Variants in CAMK4 observed in about 807,000 individuals in gnomAD.
CAMK4 encodes calcium/calmodulin-dependent protein kinase type IV.
In CAMK4, 22 loss-of-function variants were observed where a neutral mutation model predicts 44.9. That is an observed-to-expected ratio of 0.49 (90% confidence interval 0.35 to 0.70). The LOEUF is 0.70. CAMK4 is among the 30% of genes least tolerant of loss of function. The probability of loss-of-function intolerance (pLI) is 0.01; values close to 1 mark genes in which losing one functional copy is unlikely to be tolerated. For synonymous variants in CAMK4, 218 were observed against 215.4 expected, an observed-to-expected ratio of 1.01 and a Z score of -0.11; for missense variants, 498 against 586.8, an observed-to-expected ratio of 0.85 and a Z score of 1.56.
intron 5 of CAMK4, among the ~76,000 whole-genome samples, chr5:111,403,164 A>C (rs1752292974): frequency 6.6e-6 from 1 of 152,158 alleles, no homozygotes; most frequent in African/African-American, 2.4e-5. Flanking sequence ...TCAAACATAC[A>C]CCCACATATT....
At chr5:111,422,678 G>A (rs1010930563) in intron 5 of CAMK4, among the ~76,000 whole-genome samples, 4 of 152,148 alleles carry the variant, frequency 2.6e-5, no homozygotes, top group African/African-American at 7.2e-5. Flanking sequence ...ATGTCTGAAA[G>A]CAGCTATCTT....
chr5:111,445,215 A>G (rs1054293281), intron 5 of CAMK4, among the ~76,000 whole-genome samples: 2 of 152,210 alleles, frequency 1.3e-5, no homozygotes, highest in East Asian at 3.8e-4. Flanking sequence ...TTAAAAATGA[A>G]TAAGTAAATT....
intron 1 of CAMK4, among the ~76,000 whole-genome samples, chr5:111,323,798 G>T (rs1375502025): frequency 6.6e-6 from 1 of 152,050 alleles, no homozygotes; most frequent in Non-Finnish European, 1.5e-5. Flanking sequence ...CTAAATAGAA[G>T]TTCAGATTTA....
At chr5:111,394,589 A>G (rs1434441391) in intron 4 of CAMK4, 121 bp from the exon 5 acceptor site, 3 of 635,980 alleles carry the variant, frequency 4.7e-6, no homozygotes, top group Non-Finnish European at 8.4e-6. Context: ...CCATGGTAGT[A>G]TGGTAGCTTG....
Position 111,224,712 on chromosome 5 carries a change from G to A in CAMK4, c.161+68G>A, listed in dbSNP as rs1748091902. 2 of 1,485,522 alleles carry A rather than the reference G, an allele frequency of 1.3e-6. No homozygotes were observed. The highest frequency in any genetic ancestry group is 2.8e-5 in the African/African-American group (2 of 70,274). The allele number at this position is 1,485,522 out of a possible 1,614,324, so 92.0% of individuals were successfully genotyped here. A position where few individuals can be genotyped will look rare whatever the true frequency, so the allele number is the denominator to read the frequency against. ...GGGGGTTGTCCCTCTCGCAGCGACG[G>A]CTCGGAGGGTGCGGGAGCCTGCCTT... On this transcript the variant is annotated intron_variant, in intron 1 of 10. Transcript: ENST00000282356. The surrounding 1 kb of genome is among the most constrained non-coding windows in gnomAD (Gnocchi z 5.7).
chr5:111,475,425 G>T (rs1490985374), intron 8 of CAMK4, among the ~76,000 whole-genome samples: 1 of 152,078 alleles, frequency 6.6e-6, no homozygotes, highest in Non-Finnish European at 1.5e-5. Context: ...AATGTGGAAT[G>T]CATAAAACTT....
At chr5:111,330,867 T>G (rs963254472) in intron 1 of CAMK4, among the ~76,000 whole-genome samples, 1 of 151,568 alleles carries the variant, frequency 6.6e-6, no homozygotes, top group African/African-American at 2.4e-5. Flanking sequence ...GGCAGTGCAA[T>G]GGGGAAAGAA....
intron 1 of CAMK4, among the ~76,000 whole-genome samples, chr5:111,308,106 C>CG (rs1294755278): frequency 9.2e-6 from 1 of 108,152 alleles, no homozygotes; most frequent in Non-Finnish European, 1.8e-5. Flanking sequence ...GTGGTGGGGT[C>CG]GGGGGAGGGG....
At chr5:111,246,522 C>T (rs1220731705) in intron 1 of CAMK4, among the ~76,000 whole-genome samples, 1 of 152,170 alleles carries the variant, frequency 6.6e-6, no homozygotes, top group Non-Finnish European at 1.5e-5. Context: ...AGATTTATTT[C>T]TCTGCATTTA....
chr5:111,330,923 A>C (rs553786841), intron 1 of CAMK4, among the ~76,000 whole-genome samples: 1 of 151,876 alleles, frequency 6.6e-6, no homozygotes, highest in East Asian at 2.0e-4. Context: ...AAATACATGG[A>C]AAAAATATAC....
At chr5:111,339,037 T>G (rs1044032246) in intron 1 of CAMK4, among the ~76,000 whole-genome samples, 3 of 151,260 alleles carry the variant, frequency 2.0e-5, no homozygotes, top group African/African-American at 7.3e-5. Context: ...TATAGATTGC[T>G]TTAAGCCATA....
At chr5:111,411,333 A>G (rs1752625167) in intron 5 of CAMK4, among the ~76,000 whole-genome samples, 1 of 152,204 alleles carries the variant, frequency 6.6e-6, no homozygotes. Flanking sequence ...AAGTCTCATA[A>G]TTGCAAAAGA....
intron 1 of CAMK4, among the ~76,000 whole-genome samples, chr5:111,293,409 C>T (rs917658557): frequency 1.3e-5 from 2 of 150,780 alleles, no homozygotes; most frequent in South Asian, 2.1e-4. Flanking sequence ...ACTTTATATT[C>T]GATGCTTTTA....
intron 5 of CAMK4, among the ~76,000 whole-genome samples, chr5:111,442,721 G>T (rs1023409391): frequency 2.0e-5 from 3 of 148,074 alleles, no homozygotes; most frequent in Non-Finnish European, 3.0e-5. Context: ...AGAAAATACA[G>T]TTATTTTTAT....
chr5:111,228,801 C>T (rs1240910055), intron 1 of CAMK4, among the ~76,000 whole-genome samples: 1 of 152,170 alleles, frequency 6.6e-6, no homozygotes, highest in Non-Finnish European at 1.5e-5. Flanking sequence ...CAATTGGCAA[C>T]ATTGGGTGGT....
chr5:111,224,820 C>T lies in CAMK4; in HGVS notation c.161+176C>T, dbSNP rs1580446220. ...TCAGGTGCGGCTCGAGTCCTTCCCA[C>T]CCCACCAGAGCGCCTAGGCCGGTGC... is the stretch of plus-strand genomic sequence containing the variant. On this transcript the variant is annotated intron_variant, in intron 1 of 10. Transcript: ENST00000282356. The surrounding 1 kb of genome is among the most constrained non-coding windows in gnomAD (Gnocchi z 5.7). Among the ~76,000 whole-genome samples, 1 of 152,114 alleles carries T rather than the reference C, an allele frequency of 6.6e-6. No homozygotes were observed.
chr5:111,314,067 A>G (rs1200407731), intron 1 of CAMK4, among the ~76,000 whole-genome samples: 1 of 152,088 alleles, frequency 6.6e-6, no homozygotes, highest in African/African-American at 2.4e-5. Flanking sequence ...CCACTCCCCA[A>G]AAGTGTAATA....
chr5:111,359,689 T>C (rs1234035468), intron 2 of CAMK4, among the ~76,000 whole-genome samples: 1 of 152,164 alleles, frequency 6.6e-6, no homozygotes, highest in Non-Finnish European at 1.5e-5. Context: ...TTGCCTAGGT[T>C]GTCTTCCAGA....
chr5:111,449,176 A>T lies in CAMK4; in HGVS notation c.598A>T (p.Thr200Ser). The change falls in exon 7 of 11, where the codon ACA (threonine) becomes TCA (serine). Residue 200 changes from threonine to serine, a missense_variant. Coordinates refer to ENST00000282356, the MANE Select transcript of CAMK4 (RefSeq NM_001744.6). Reference protein sequence around the residue: ...KIVEHQVLMKTVCGTPGYCAP... With the variant: ...KIVEHQVLMKSVCGTPGYCAP... Reference sequence around the variant, plus strand: ...TGTGGAACATCAAGTGCTCATGAAGACAGTATGTGGAACCCCAGGGTACTG... The same window carrying T: ...TGTGGAACATCAAGTGCTCATGAAGTCAGTATGTGGAACCCCAGGGTACTG... 6.3e-7 allele frequency: 1 copy of T among 1,577,084 alleles called. No homozygotes were observed. Among genetic ancestry groups the T allele is most frequent in the Non-Finnish European group, 8.7e-7 (1 of 1,148,804 alleles).
Sources: gnomAD v4.1 joint callset for allele counts (sites outside exome capture counted in the v4.1 genomes callset) on GRCh38, gnomAD v4.1.1 for gene constraint, Gnocchi (gnomAD v3.1) non-coding constraint, MANE v1.5 for transcripts, NCBI Gene and HGNC (gene_info 2026-07-23, HGNC 2026-07-21) for gene names.